The following LHFPL3 variants were observed in gnomAD, a reference collection of about 807,000 sequenced individuals.
The protein encoded by LHFPL3 is LHFPL tetraspan subfamily member 3 protein.
Under a neutral mutation model 19.3 loss-of-function variants are expected in LHFPL3, and 5 were observed. That is an observed-to-expected ratio of 0.26 (90% CI 0.14 to 0.54). The LOEUF is 0.54. Among genes scored for constraint, LHFPL3 ranks in the 20% least tolerant of loss-of-function variants. The pLI is 0.94. For synonymous variants in LHFPL3, 133 were observed against 126.2 expected (o/e 1.05, Z -0.36); for missense variants, 249 against 307.4 (o/e 0.81, Z 1.42).
chr7:104,447,538 A>G (rs1003122459), intron 1 of LHFPL3, among the ~76,000 whole-genome samples: 5 of 152,160 alleles, frequency 3.3e-5, no homozygotes, highest in African/African-American at 1.2e-4. Flanking sequence ...TGCCACCAAT[A>G]TTACTTAAAT....
At position 104,400,220 on chromosome 7, in the gene LHFPL3, G is replaced by C. The variant is rs1791288414; in HGVS notation, c.445+70996G>C. ...TTATATCTTTGAGCATTCACTCAGG[G>C]TTGAGTTACTGTAGTTCAAAGGAGA... On this transcript the variant is annotated intron_variant, in intron 1 of 2. Transcript: ENST00000424859. Among the ~76,000 whole-genome samples, 3 of 147,752 alleles carry C rather than the reference G, an allele frequency of 2.0e-5. No homozygotes were observed. In the South Asian group the frequency reaches 6.7e-4, roughly 33 times the overall value.
At chr7:104,762,534 G>A (rs961297054) in intron 2 of LHFPL3, among the ~76,000 whole-genome samples, 8 of 152,124 alleles carry the variant, frequency 5.3e-5, no homozygotes, top group African/African-American at 1.9e-4. Context: ...AGATGGTGGG[G>A]AACTGAGACA....
chr7:104,902,216 TA>T (rs966704111), intron 2 of LHFPL3, among the ~76,000 whole-genome samples: 3 of 151,664 alleles, frequency 2.0e-5, no homozygotes, highest in African/African-American at 4.8e-5. Context: ...CCCATCTCTA[TA>T]AAAAAAAATT....
At chr7:104,437,305 C>T (rs1792128327) in intron 1 of LHFPL3, among the ~76,000 whole-genome samples, 2 of 152,164 alleles carry the variant, frequency 1.3e-5, no homozygotes, top group Admixed American at 6.5e-5. Flanking sequence ...GATGACTGAA[C>T]ATAGAGAACA....
chr7:104,482,140 C>G (rs1372486890), intron 1 of LHFPL3, among the ~76,000 whole-genome samples: 1 of 152,194 alleles, frequency 6.6e-6, no homozygotes, highest in Non-Finnish European at 1.5e-5. Flanking sequence ...TGAAATAACT[C>G]TGTAGTGCCT....
intron 2 of LHFPL3, among the ~76,000 whole-genome samples, chr7:104,890,835 G>C (rs908177697): frequency 2.0e-5 from 3 of 152,140 alleles, no homozygotes; most frequent in Non-Finnish European, 4.4e-5. Context: ...GACAAGGCCT[G>C]TGAGGTGCTG....
intron 1 of LHFPL3, among the ~76,000 whole-genome samples, chr7:104,540,107 G>T (rs1209746203): frequency 6.6e-6 from 1 of 152,138 alleles, no homozygotes; most frequent in Non-Finnish European, 1.5e-5. Context: ...ATGGTAGAAA[G>T]TTAATGAATG....
At chr7:104,519,280 T>G (rs1793996248) in intron 1 of LHFPL3, among the ~76,000 whole-genome samples, 3 of 152,184 alleles carry the variant, frequency 2.0e-5, no homozygotes, top group African/African-American at 7.2e-5. Flanking sequence ...GAACTCATGC[T>G]GAGTGCACTG....
chr7:104,590,066 C>T (rs1212164121), intron 1 of LHFPL3, among the ~76,000 whole-genome samples: 1 of 152,140 alleles, frequency 6.6e-6, no homozygotes, highest in Non-Finnish European at 1.5e-5. Flanking sequence ...AAACCACCTC[C>T]TGGATTCATT....
At chr7:104,773,230 C>A (rs966968900) in intron 2 of LHFPL3, among the ~76,000 whole-genome samples, 2 of 152,232 alleles carry the variant, frequency 1.3e-5, no homozygotes, top group African/African-American at 2.4e-5. Flanking sequence ...CTTCACCCCC[C>A]ATCCTGGCAA....
intron 1 of LHFPL3, among the ~76,000 whole-genome samples, chr7:104,484,713 C>T (rs1275514130): frequency 6.6e-6 from 1 of 152,120 alleles, no homozygotes; most frequent in Non-Finnish European, 1.5e-5. Flanking sequence ...GATGGAAGGG[C>T]CTGCACCTGG....
chr7:104,632,812 A>C (rs955565208), intron 1 of LHFPL3, among the ~76,000 whole-genome samples: 20 of 152,242 alleles, frequency 1.3e-4, no homozygotes, highest in Middle Eastern at 3.4e-3. Context: ...ACACCCAAAA[A>C]TACAGTAATT....
chr7:104,637,013 AG>A (rs1791740853), intron 1 of LHFPL3, among the ~76,000 whole-genome samples: 1 of 152,158 alleles, frequency 6.6e-6, no homozygotes. Flanking sequence ...CAGTGTATAA[AG>A]ATTCCCTTTT....
At chr7:104,769,618 A>C (rs4727612) in intron 2 of LHFPL3, among the ~76,000 whole-genome samples, 73,035 of 147,322 alleles carry the variant, frequency 0.5, 18,408 homozygotes, top group African/African-American at 0.57. Flanking sequence ...AGCCCCCCCA[A>C]CCCCCGACAG....
intron 1 of LHFPL3, among the ~76,000 whole-genome samples, chr7:104,647,020 C>T (rs548459560): frequency 1.3e-5 from 2 of 152,304 alleles, no homozygotes; most frequent in East Asian, 1.9e-4. Flanking sequence ...GTATCCCATC[C>T]TATGCCCAGT....
rs983694367 is a variant in LHFPL3 at position 104,880,898 on chromosome 7, C to T, written c.683-25289C>T. ...AAGAAATACTTTGTGTGGCCAGGCG[C>T]GGTGGCTCATGCCTGTAATCCCAGC... On this transcript the variant is annotated intron_variant, in intron 2 of 2. Transcript: ENST00000424859. 4.6e-5 allele frequency among the ~76,000 whole-genome samples: 7 copies of T among 152,196 alleles called. No individual in the cohort carries two copies. In the East Asian group the frequency reaches 5.8e-4, roughly 13 times the overall value.
chr7:104,697,171 A>C (rs1793013185), intron 1 of LHFPL3, among the ~76,000 whole-genome samples: 1 of 152,182 alleles, frequency 6.6e-6, no homozygotes, highest in African/African-American at 2.4e-5. Flanking sequence ...AGACCTACCG[A>C]AGACCACATC....
chr7:104,453,653 C>T (rs1021870403), intron 1 of LHFPL3, among the ~76,000 whole-genome samples: 11 of 152,086 alleles, frequency 7.2e-5, no homozygotes, highest in African/African-American at 2.7e-4. Context: ...TCTCATGGTG[C>T]ATGTAATCCC....
intron 2 of LHFPL3, among the ~76,000 whole-genome samples, chr7:104,743,230 C>G (rs1793970576): frequency 1.3e-5 from 2 of 152,082 alleles, no homozygotes; most frequent in Non-Finnish European, 1.5e-5. Flanking sequence ...TGTCAGAGGC[C>G]CATACACTCA....
Sources: gnomAD v4.1 joint callset for allele counts (sites outside exome capture counted in the v4.1 genomes callset) on GRCh38, gnomAD v4.1.1 for gene constraint, MANE v1.5 for transcripts, NCBI Gene and HGNC (gene_info 2026-07-23, HGNC 2026-07-21) for gene names.